MTFR1L: variants seen among roughly 807,000 people sequenced by gnomAD.
MTFR1L encodes the protein mitochondrial fission regulator 1 like, also known as mitochondrial fission regulator 1-like.
Under a neutral mutation model 27.9 loss-of-function variants are expected in MTFR1L, and 10 were observed. The ratio of observed to expected loss-of-function variants is 0.36; its 90% CI spans 0.22 to 0.61. MTFR1L has a LOEUF of 0.61. MTFR1L is among the 20% of genes least tolerant of loss of function. The probability of loss-of-function intolerance (pLI) is 0.73; values close to 1 mark genes in which losing one functional copy is unlikely to be tolerated. For synonymous variants in MTFR1L, 151 were observed against 139.4 expected (o/e 1.08, Z -0.58); for missense variants, 315 against 363.7 (o/e 0.87, Z 1.09).
At chr1:25,824,230 C>T (rs1240301160) in intron 3 of MTFR1L, among the ~76,000 whole-genome samples, 1 of 152,116 alleles carries the variant, frequency 6.6e-6, no homozygotes, top group Non-Finnish European at 1.5e-5. Flanking sequence ...CTCTTTTTGG[C>T]CAATCTGGGC....
rs1557440649 is a variant in MTFR1L, at chr1:25,822,450, T to TCGGCCTCCCAAAGTGCTGGGA, written c.-86-569_-86-568insCGGCCTCCCAAAGTGCTGGGA. On this transcript the variant is annotated intron_variant, in intron 1 of 6. Coordinates refer to ENST00000374303, the MANE Select transcript of MTFR1L (RefSeq NM_001099625.2). ...AGCTACCAAGGATTCTATTTGCATC[T>TCGGCCTCCCAAAGTGCTGGGA]TTAGAAGTTTTGCCTCAAGAAACCT... is the stretch of plus-strand genomic sequence containing the variant. The TCGGCCTCCCAAAGTGCTGGGA allele has an allele frequency of 2.4e-3, 356 of 150,344 alleles. 7 individuals carry two copies. The highest frequency in any genetic ancestry group is 8.6e-3 in the African/African-American group (337 of 38,966). The allele number at this position is 150,344 out of a possible 1,614,324, so 9.3% of individuals were successfully genotyped here. A position where few individuals can be genotyped will look rare whatever the true frequency, so the allele number is the denominator to read the frequency against.
Position 25,829,835 on chromosome 1 carries a change from G to T in MTFR1L, c.773+5G>T. On this transcript the variant is annotated splice_donor_5th_base_variant and intron_variant, in intron 6 of 6. Transcript: ENST00000374303. ...AATGAAACAGAGTCAAGATCTGTAA[G>T]TATCTGATGAGGAGCTCTGGTATCT... The T allele has an allele frequency of 6.3e-7, 1 of 1,591,376 alleles. No homozygotes were observed. Among genetic ancestry groups the T allele is most frequent in the Non-Finnish European group, 8.5e-7 (1 of 1,173,336 alleles).
In MTFR1L at chr1:25,828,770, A is replaced by G. The variant is rs111668757; in HGVS notation, c.452-739A>G. 6.7e-4 allele frequency among the ~76,000 whole-genome samples: 102 copies of G among 152,262 alleles called. 1 individual carries two copies. Among genetic ancestry groups the G allele is most frequent in the African/African-American group, 2.3e-3 (97 of 41,556 alleles). On this transcript the variant is annotated intron_variant, in intron 5 of 6. Transcript: ENST00000374303. Reference sequence around the variant, plus strand: ...TCCCATCCTCATTTTTTCACTCTGCATTGACTCAGAGTCATAGCTCTGAAA... The same window carrying G: ...TCCCATCCTCATTTTTTCACTCTGCGTTGACTCAGAGTCATAGCTCTGAAA...
chr1:25,826,865 G>A lies in MTFR1L; in HGVS notation c.451+39G>A. On this transcript the variant is annotated intron_variant, in intron 5 of 6. Coordinates refer to ENST00000374303, the MANE Select transcript of MTFR1L (RefSeq NM_001099625.2). This position sits in a 1 kb window ranked among gnomAD's most constrained non-coding sequence, Gnocchi z 4.1. ...TGCCAGGGCCAGAACGTAACAGGCT[G>A]TTCCTTTCCCCTGGCTCTTGGGCAG... 6.2e-7 allele frequency: 1 copy of A among 1,601,880 alleles called. No homozygotes were observed.
At chr1:25,830,283 G>T (rs1206834752) in intron 6 of MTFR1L, among the ~76,000 whole-genome samples, 1 of 152,222 alleles carries the variant, frequency 6.6e-6, no homozygotes, top group Non-Finnish European at 1.5e-5. Flanking sequence ...GTGGTCCATT[G>T]TGCAAACAAA....
intron 6 of MTFR1L, among the ~76,000 whole-genome samples, chr1:25,831,587 C>T (rs2048241076): frequency 6.6e-6 from 1 of 152,230 alleles, no homozygotes; most frequent in Non-Finnish European, 1.5e-5. Flanking sequence ...AGCTTAGCCA[C>T]CAGAGGCCAA....
At position 25,826,216 on chromosome 1, in the gene MTFR1L, A is replaced by C; in HGVS notation, c.130-86A>C. ...AAGCCTTCCTGACACCCAGTGCCGG[A>C]TTAGGTACCCCTCCTGTGTATTCTG... On this transcript the variant is annotated intron_variant, in intron 3 of 6. Transcript: ENST00000374303. This position sits in a 1 kb window ranked among gnomAD's most constrained non-coding sequence, Gnocchi z 4.1. 8.6e-7 allele frequency: 1 copy of C among 1,159,400 alleles called. No homozygotes were observed. Among genetic ancestry groups the C allele is most frequent in the Non-Finnish European group, 1.3e-6 (1 of 790,330 alleles). 71.8% of individuals were successfully genotyped at this position (1,159,400 alleles called of 1,614,324 possible). A position where few individuals can be genotyped will look rare whatever the true frequency, so the allele number is the denominator to read the frequency against.
rs1557446750 is a variant in MTFR1L at position 25,832,204 on chromosome 1, TA to T, written c.*179del. 1.3e-6 allele frequency: 2 copies of T among 1,520,674 alleles called. No homozygotes were observed. Among genetic ancestry groups the T allele is most frequent in the Middle Eastern group, 1.7e-4 (1 of 5,944 alleles). The allele number at this position is 1,520,674 out of a possible 1,614,324, so 94.2% of individuals were successfully genotyped here. On this transcript the variant is annotated 3_prime_UTR_variant, in exon 7 of 7. Coordinates refer to ENST00000374303, the MANE Select transcript of MTFR1L (RefSeq NM_001099625.2). ...TATATATTTCCCAGACTTCAAACCC[TA>T]GCAGAAGCTAAGGCTTGTGATTTGA...
rs770755210 is a variant in MTFR1L, at chr1:25,829,689, C to T, written c.632C>T (p.Pro211Leu). 28 of 1,614,070 alleles carry T rather than the reference C, an allele frequency of 1.7e-5. No homozygotes were observed. The African/African-American group carries it at 3.5e-4, about 20-fold the overall frequency. ...PSVPLLCSAS[P>L]ECCKPEHKAA... ...GTCCCCCTGCTTTGTTCTGCCAGCC[C>T]TGAATGTTGCAAACCAGAACACAAA... Residue 211 changes from proline to leucine, a missense_variant, in exon 6 of 7, where the codon CCT (proline) becomes CTT (leucine). Coordinates refer to ENST00000374303, the MANE Select transcript of MTFR1L (RefSeq NM_001099625.2).
rs1490709542 is a variant in MTFR1L at position 25,826,198 on chromosome 1, C to T, written c.130-104C>T. ...TCTTCTGCCCCCTCTAGGAAGCCTT[C>T]CTGACACCCAGTGCCGGATTAGGTA... On this transcript the variant is annotated intron_variant, in intron 3 of 6. Transcript: ENST00000374303. The surrounding 1 kb of genome is among the most constrained non-coding windows in gnomAD (Gnocchi z 4.1). 4.3e-6 allele frequency: 4 copies of T among 923,868 alleles called. No individual in the cohort carries two copies. The highest frequency in any genetic ancestry group is 6.8e-6 in the Non-Finnish European group (4 of 592,118). 57.2% of individuals were successfully genotyped at this position (923,868 alleles called of 1,614,324 possible).
rs1448523093 is a variant in MTFR1L, at chr1:25,832,014, A to G, written c.867A>G (p.Arg289=). The change falls in exon 7 of 7, where the codon AGA becomes AGG. Residue 289 remains arginine, a synonymous_variant. Coordinates refer to ENST00000374303, the MANE Select transcript of MTFR1L (RefSeq NM_001099625.2). ...KFALKEEDIS[R]KGN is the part of the protein sequence containing the mutation. ...CTCTAAAGGAAGAAGATATCAGTAGAAAAGGAAATTGACAACCCTCAGCTC... is the reference window on the plus strand; with the variant it reads ...CTCTAAAGGAAGAAGATATCAGTAGGAAAGGAAATTGACAACCCTCAGCTC... 1 of 1,614,224 alleles carries G rather than the reference A, an allele frequency of 6.2e-7. No homozygotes were observed. Among genetic ancestry groups the G allele is most frequent in the South Asian group, 1.1e-5 (1 of 91,080 alleles).
Position 25,826,886 on chromosome 1 carries a change from G to C in MTFR1L, c.451+60G>C. 1.3e-6 allele frequency: 2 copies of C among 1,565,254 alleles called. No individual in the cohort carries two copies. The highest frequency in any genetic ancestry group is 1.7e-6 in the Non-Finnish European group (2 of 1,148,620). ...GGCTGTTCCTTTCCCCTGGCTCTTGGGCAGGATAGGGGTAAAGAAAGTGGT... is the reference window on the plus strand; with the variant it reads ...GGCTGTTCCTTTCCCCTGGCTCTTGCGCAGGATAGGGGTAAAGAAAGTGGT... On this transcript the variant is annotated intron_variant, in intron 5 of 6. Coordinates refer to ENST00000374303, the MANE Select transcript of MTFR1L (RefSeq NM_001099625.2). The surrounding 1 kb of genome is among the most constrained non-coding windows in gnomAD (Gnocchi z 4.1).
At chr1:25,829,194 G>A (rs544287533) in intron 5 of MTFR1L, among the ~76,000 whole-genome samples, 20 of 152,246 alleles carry the variant, frequency 1.3e-4, no homozygotes, top group African/African-American at 4.1e-4. Flanking sequence ...CTGCTGCTTT[G>A]GCCTATGACA....
chr1:25,829,798 G>T lies in MTFR1L; in HGVS notation c.741G>T (p.Lys247Asn). 1 of 1,605,770 alleles carries T rather than the reference G, an allele frequency of 6.2e-7. No homozygotes were observed. Among genetic ancestry groups the T allele is most frequent in the East Asian group, 2.2e-5 (1 of 44,848 alleles). ...TTGCAGACATGATGGGTATCCTGAA[G>T]GACTTTCACCGAATGAAACAGAGTC... Reference protein sequence around the residue: ...SSFADMMGILKDFHRMKQSQD... With the variant: ...SSFADMMGILNDFHRMKQSQD... The change falls in exon 6 of 7, where the codon AAG (lysine) becomes AAT (asparagine). Residue 247 changes from lysine (K) to asparagine (N), a missense_variant. Transcript: ENST00000374303.
rs2048175614 is a variant in MTFR1L, at chr1:25,826,833, G to C, written c.451+7G>C. 1.9e-6 allele frequency: 3 copies of C among 1,613,058 alleles called. No homozygotes were observed. The African/African-American group carries it at 4.0e-5, about 22-fold the overall frequency. ...ATAGTGGCAGCTGATGCAGGTAGGA[G>C]CCCCTGTGCCAGGGCCAGAACGTAA... On this transcript the variant is annotated splice_region_variant and intron_variant, in intron 5 of 6. Coordinates refer to ENST00000374303, the MANE Select transcript of MTFR1L (RefSeq NM_001099625.2). The surrounding 1 kb of genome is among the most constrained non-coding windows in gnomAD (Gnocchi z 4.1).
At chr1:25,823,941 A>G (rs1174504057) in intron 3 of MTFR1L, among the ~76,000 whole-genome samples, 193 bp downstream of exon 3, 1 of 152,196 alleles carries the variant, frequency 6.6e-6, no homozygotes, top group Non-Finnish European at 1.5e-5. Flanking sequence ...ACCACAAGGA[A>G]CCTGACAGGT....
At chr1:25,829,928 AC>A in intron 6 of MTFR1L, 98 bp downstream of exon 6, 1 of 1,149,152 alleles carries the variant, frequency 8.7e-7, no homozygotes, top group Non-Finnish European at 1.2e-6. Context: ...TCTTAGTAGT[AC>A]CATATGTTAT....
At chr1:25,829,064 C>T (rs894097943) in intron 5 of MTFR1L, among the ~76,000 whole-genome samples, 3 of 152,204 alleles carry the variant, frequency 2.0e-5, no homozygotes, top group East Asian at 1.9e-4. Context: ...GGTCTGTTAC[C>T]ATTCTGGTTT....
intron 5 of MTFR1L, 138 bp from the exon 6 acceptor site, chr1:25,829,371 G>C (rs753544479): frequency 1.2e-5 from 9 of 775,506 alleles, no homozygotes; most frequent in Non-Finnish European, 1.9e-5. Context: ...ACTGGCTACA[G>C]ATACCATCCT....
Sources: gnomAD v4.1 joint callset for allele counts (sites outside exome capture counted in the v4.1 genomes callset) on GRCh38, gnomAD v4.1.1 for gene constraint, Gnocchi (gnomAD v3.1) non-coding constraint, MANE v1.5 for transcripts, NCBI Gene and HGNC (gene_info 2026-07-23, HGNC 2026-07-21) for gene names.